Variants in CAPZA2 observed in about 807,000 individuals in gnomAD.
CAPZA2 encodes the protein F-actin-capping protein subunit alpha-2.
CAPZA2 carries 13 observed loss-of-function variants against 44.0 expected under a neutral mutation model. The observed-to-expected ratio is 0.30, with a 90% CI of 0.19 to 0.47. The LOEUF is 0.47. CAPZA2 is among the 20% of genes least tolerant of loss of function. The pLI is 1.00. For synonymous variants in CAPZA2, 94 were observed against 108.2 expected (o/e 0.87, Z 0.81); for missense variants, 244 against 338.6 (o/e 0.72, Z 2.19).
At chr7:116,862,929 G>T (rs375766354) in intron 1 of CAPZA2, among the ~76,000 whole-genome samples, 1 of 151,984 alleles carries the variant, frequency 6.6e-6, no homozygotes, top group South Asian at 2.1e-4. Context: ...GGGCGGGGGC[G>T]CGGGCGCGGG....
intron 3 of CAPZA2, among the ~76,000 whole-genome samples, chr7:116,894,371 A>G (rs1796897742): frequency 6.6e-6 from 1 of 152,086 alleles, no homozygotes; most frequent in Non-Finnish European, 1.5e-5. Context: ...AAAAAAAAAA[A>G]AAAAAAAATC....
At chr7:116,873,247 G>C (rs954356906) in intron 1 of CAPZA2, among the ~76,000 whole-genome samples, 1 of 152,076 alleles carries the variant, frequency 6.6e-6, no homozygotes, top group Non-Finnish European at 1.5e-5. Flanking sequence ...GAGAGTGCAG[G>C]GTCCTTTGCT....
chr7:116,908,460 G>A (rs535884829), intron 6 of CAPZA2, among the ~76,000 whole-genome samples: 28 of 152,178 alleles, frequency 1.8e-4, no homozygotes, highest in African/African-American at 5.8e-4. Context: ...TAATTACAGA[G>A]TTAATAAACG....
Position 116,888,151 on chromosome 7 carries a change from A to G in CAPZA2, c.64A>G (p.Ile22Val). 1 of 1,611,648 alleles carries G rather than the reference A, an allele frequency of 6.2e-7. No homozygotes were observed. The highest frequency in any genetic ancestry group is 1.1e-5 in the South Asian group (1 of 91,038). Residue 22 changes from isoleucine to valine, a missense_variant, in exon 2 of 10, where the codon ATT becomes GTT. Physicochemically the swap from Ile to Val is conservative, Grantham distance 29. Coordinates refer to ENST00000361183, the MANE Select transcript of CAPZA2 (RefSeq NM_006136.3). ...GGTGCGTATAGCAGCAAAATTCATC[A>G]TTCATGCCCCTCCTGGAGAATTTAA... ...EKVRIAAKFI[I>V]HAPPGEFNEV...
chr7:116,898,618 TTAG>T (rs1360142539), intron 3 of CAPZA2, among the ~76,000 whole-genome samples, 151 bp from the exon 4 acceptor site: 1 of 152,160 alleles, frequency 6.6e-6, no homozygotes, highest in Non-Finnish European at 1.5e-5. Context: ...TTATTTGTAG[TTAG>T]TATAAGTTCA....
rs1791730353 is a variant in CAPZA2 at position 116,919,316 on chromosome 7, G to C, written c.*1449G>C. 6.6e-6 allele frequency: 1 copy of C among 152,274 alleles called. No individual in the cohort carries two copies. The highest frequency in any genetic ancestry group is 6.6e-5 in the Admixed American group (1 of 15,250). 9.4% of individuals were successfully genotyped at this position (152,274 alleles called of 1,614,324 possible). On this transcript the variant is annotated 3_prime_UTR_variant, in exon 10 of 10. Transcript: ENST00000361183. Reference sequence around the variant, plus strand: ...TAAAATACAAGTTTTGGCACATTGGGATTCCTAAAGAAAATGAATTGGTAA... The same window carrying C: ...TAAAATACAAGTTTTGGCACATTGGCATTCCTAAAGAAAATGAATTGGTAA...
At chr7:116,903,600 T>C (rs1009078259) in intron 4 of CAPZA2, among the ~76,000 whole-genome samples, 1 of 152,180 alleles carries the variant, frequency 6.6e-6, no homozygotes, top group Non-Finnish European at 1.5e-5. Context: ...CATTATGCAT[T>C]GTGGATGTAT....
chr7:116,876,802 C>T (rs1196536888), intron 1 of CAPZA2, among the ~76,000 whole-genome samples: 1 of 152,168 alleles, frequency 6.6e-6, no homozygotes, highest in Non-Finnish European at 1.5e-5. Flanking sequence ...TTATTAATCA[C>T]AAATACTCAG....
At chr7:116,901,576 T>G in intron 4 of CAPZA2, among the ~76,000 whole-genome samples, 1 of 152,060 alleles carries the variant, frequency 6.6e-6, no homozygotes, top group East Asian at 1.9e-4. Flanking sequence ...GCTTAATACC[T>G]GGGTGATGAA....
In CAPZA2 at chr7:116,886,140, T is replaced by C. The variant is rs754139569; in HGVS notation, c.40-1987T>C. 5.8e-5 allele frequency: 9 copies of C among 154,830 alleles called. No individual in the cohort carries two copies. In the Middle Eastern group the frequency reaches 3.1e-3, roughly 53 times the overall value. 9.6% of individuals were successfully genotyped at this position (154,830 alleles called of 1,614,324 possible). On this transcript the variant is annotated intron_variant, in intron 1 of 9. Coordinates refer to ENST00000361183, the MANE Select transcript of CAPZA2 (RefSeq NM_006136.3). ...CAAAAATGGTATTTAAATTAGTGCT[T>C]ACCAAGTACTTTAGATCATTTACTC...
intron 6 of CAPZA2, among the ~76,000 whole-genome samples, chr7:116,909,507 C>T (rs566667329): frequency 1.3e-5 from 2 of 151,434 alleles, no homozygotes; most frequent in Admixed American, 6.6e-5. Context: ...TATTTGTATA[C>T]CAAAAATCAT....
intron 8 of CAPZA2, among the ~76,000 whole-genome samples, chr7:116,912,904 C>G (rs1217001258): frequency 6.6e-6 from 1 of 152,152 alleles, no homozygotes; most frequent in African/African-American, 2.4e-5. Context: ...TATAGTTTCA[C>G]CAGCAGTGTA....
At chr7:116,896,587 T>C (rs1201497780) in intron 3 of CAPZA2, among the ~76,000 whole-genome samples, 1 of 152,132 alleles carries the variant, frequency 6.6e-6, no homozygotes, top group Admixed American at 6.6e-5. Flanking sequence ...ATGATGTGGC[T>C]AAACTTAGGG....
At chr7:116,905,288 G>T (rs771374561) in intron 5 of CAPZA2, among the ~76,000 whole-genome samples, 1 of 152,188 alleles carries the variant, frequency 6.6e-6, no homozygotes, top group East Asian at 1.9e-4. Context: ...TCCATTGCCA[G>T]AGTGATCTTT....
chr7:116,914,720 G>A (rs2115984293), intron 8 of CAPZA2, among the ~76,000 whole-genome samples: 1 of 152,262 alleles, frequency 6.6e-6, no homozygotes, highest in African/African-American at 2.4e-5. Flanking sequence ...GCCTCCCAGA[G>A]TGCTGGGATT....
chr7:116,903,409 TTATCTG>T (rs2115957100), intron 4 of CAPZA2, among the ~76,000 whole-genome samples: 2 of 152,326 alleles, frequency 1.3e-5, no homozygotes, highest in South Asian at 4.1e-4. Context: ...GTGTATATCT[TTATCTG>T]TAAGATTTTA....
chr7:116,920,050 C>G lies in CAPZA2; in HGVS notation c.*2183C>G, dbSNP rs1791745711. ...ACGAGGTCAGGAGTTCGAGACCAGCCTGACCAACATGCTGAAACCCCGTCT... is the reference window on the plus strand; with the variant it reads ...ACGAGGTCAGGAGTTCGAGACCAGCGTGACCAACATGCTGAAACCCCGTCT... On this transcript the variant is annotated 3_prime_UTR_variant, in exon 10 of 10. Transcript: ENST00000361183. 6.6e-6 allele frequency: 1 copy of G among 151,400 alleles called. No individual in the cohort carries two copies. Among genetic ancestry groups the G allele is most frequent in the African/African-American group, 2.4e-5 (1 of 41,054 alleles). 9.4% of individuals were successfully genotyped at this position (151,400 alleles called of 1,614,324 possible).
At chr7:116,888,678 C>CA (rs757527471) in intron 2 of CAPZA2, 1,860 of 52,078 alleles carry the variant, frequency 0.036, 22 homozygotes, top group African/African-American at 0.045. Context: ...TTGTCTCTAC[C>CA]AAAAAAAAAA....
chr7:116,885,493 C>G (rs1166144154), intron 1 of CAPZA2, among the ~76,000 whole-genome samples: 1 of 152,082 alleles, frequency 6.6e-6, no homozygotes, highest in East Asian at 1.9e-4. Context: ...TACCATCTAC[C>G]TGGAGATAGT....
Sources: gnomAD v4.1 joint callset for allele counts (sites outside exome capture counted in the v4.1 genomes callset) on GRCh38, gnomAD v4.1.1 for gene constraint, MANE v1.5 for transcripts, NCBI Gene and HGNC (gene_info 2026-07-23, HGNC 2026-07-21) for gene names.